Variants in SH3BP4 observed in about 807,000 individuals in gnomAD.
The protein encoded by SH3BP4 is SH3 domain-binding protein 4.
A neutral mutation model predicts 65.5 loss-of-function variants in SH3BP4; 33 were observed. The observed-to-expected ratio is 0.50, with a 90% CI of 0.38 to 0.67. The LOEUF (loss-of-function observed/expected upper bound fraction) is 0.67, where lower values mean the gene tolerates loss of function less well. Among genes scored for constraint, SH3BP4 ranks in the 30% least tolerant of loss-of-function variants. The probability of loss-of-function intolerance (pLI) is 0.00; values close to 1 mark genes in which losing one functional copy is unlikely to be tolerated. For synonymous variants in SH3BP4, 552 were observed against 545.5 expected, an observed-to-expected ratio of 1.01 and a Z score of -0.17; for missense variants, 1,134 against 1,261.4, an observed-to-expected ratio of 0.90 and a Z score of 1.53.
In SH3BP4 at chr2:234,991,064, C is replaced by T. The variant is rs78763252; in HGVS notation, c.-206-4239C>T. Among the ~76,000 whole-genome samples the T allele has an allele frequency of 8.5e-5, 13 of 152,278 alleles. No individual in the cohort carries two copies. In the East Asian group the frequency reaches 2.5e-3, roughly 29 times the overall value. On this transcript the variant is annotated intron_variant, in intron 1 of 5. Coordinates refer to ENST00000392011, the MANE Select transcript of SH3BP4 (RefSeq NM_014521.3). The surrounding 1 kb of genome is among the most constrained non-coding windows in gnomAD (Gnocchi z 4.2). ...GATTGCACCTTGAACACTCTGTCTCCAAATAAGGTCACTTTCTGAGGTACT... is the reference window on the plus strand; with the variant it reads ...GATTGCACCTTGAACACTCTGTCTCTAAATAAGGTCACTTTCTGAGGTACT...
At chr2:234,979,550 G>A (rs756787683) in intron 1 of SH3BP4, 10 of 152,248 alleles carry the variant, frequency 6.6e-5, no homozygotes, top group Non-Finnish European at 1.3e-4. Context: ...TCCCTTTGGC[G>A]TGAGCCGAGC....
chr2:235,048,530 G>A (rs1016279071), intron 4 of SH3BP4, among the ~76,000 whole-genome samples: 3 of 151,104 alleles, frequency 2.0e-5, no homozygotes, highest in African/African-American at 7.3e-5. Flanking sequence ...GTAGAGACAA[G>A]GTTTGATTGT....
intron 2 of SH3BP4, among the ~76,000 whole-genome samples, chr2:235,021,183 A>G (rs1445991516): frequency 1.3e-5 from 2 of 152,204 alleles, no homozygotes; most frequent in Non-Finnish European, 1.5e-5. Flanking sequence ...TGGGGACCCA[A>G]CCACATTTGT....
intron 2 of SH3BP4, among the ~76,000 whole-genome samples, chr2:235,031,178 C>T (rs531465572): frequency 3.9e-5 from 6 of 152,218 alleles, no homozygotes; most frequent in South Asian, 4.2e-4. Flanking sequence ...TGGCTTCTCT[C>T]GGCCTGAAAA....
Position 235,052,457 on chromosome 2 carries a change from T to C in SH3BP4, c.2479-105T>C. The C allele has an allele frequency of 1.2e-6, 1 of 828,746 alleles. No individual in the cohort carries two copies. The highest frequency in any genetic ancestry group is 2.7e-5 in the East Asian group (1 of 36,736). 51.3% of individuals were successfully genotyped at this position (828,746 alleles called of 1,614,324 possible). A position where few individuals can be genotyped will look rare whatever the true frequency, so the allele number is the denominator to read the frequency against. ...GTAGTAGGCCAGGGAACATGGAGAATAGAGAGCCCATGGCCATTCCTGCGC... is the reference window on the plus strand; with the variant it reads ...GTAGTAGGCCAGGGAACATGGAGAACAGAGAGCCCATGGCCATTCCTGCGC... On this transcript the variant is annotated intron_variant, in intron 4 of 5. Coordinates refer to ENST00000392011, the MANE Select transcript of SH3BP4 (RefSeq NM_014521.3). This position sits in a 1 kb window ranked among gnomAD's most constrained non-coding sequence, Gnocchi z 5.0.
Position 235,042,274 on chromosome 2 carries a change from A to C in SH3BP4, c.1505A>C (p.Lys502Thr). The change falls in exon 4 of 6, where the codon AAG (lysine) becomes ACG (threonine). Residue 502 changes from lysine (K) to threonine (T), a missense_variant. Coordinates refer to ENST00000392011, the MANE Select transcript of SH3BP4 (RefSeq NM_014521.3). The surrounding 1 kb of genome is among the most constrained non-coding windows in gnomAD (Gnocchi z 7.3). ...VTIFGHDCAP[K>T]TLLVSEVTRQ... ...ATTTTTGGGCATGACTGTGCCCCAA[A>C]GACGCTCCTGGTCAGCGAGGTCACA... is the stretch of plus-strand genomic sequence containing the variant. The C allele has an allele frequency of 6.2e-7, 1 of 1,614,184 alleles. No individual in the cohort carries two copies. Among genetic ancestry groups the C allele is most frequent in the Non-Finnish European group, 8.5e-7 (1 of 1,180,046 alleles).
chr2:234,979,140 A>G (rs1693270315), intron 1 of SH3BP4, among the ~76,000 whole-genome samples: 1 of 152,224 alleles, frequency 6.6e-6, no homozygotes, highest in Admixed American at 6.5e-5. Flanking sequence ...GAGTAGATAC[A>G]GGTAATATTT....
At chr2:235,013,880 G>A (rs1362133114) in intron 2 of SH3BP4, among the ~76,000 whole-genome samples, 1 of 152,108 alleles carries the variant, frequency 6.6e-6, no homozygotes, top group African/African-American at 2.4e-5. Context: ...TAACCTCTTT[G>A]TGCCTCAGTT....
At chr2:234,989,021 A>C (rs907909380) in intron 1 of SH3BP4, among the ~76,000 whole-genome samples, 3 of 152,088 alleles carry the variant, frequency 2.0e-5, no homozygotes, top group Middle Eastern at 3.2e-3. Context: ...TCAGTGTGTA[A>C]GTTTTAATAG....
At chr2:234,998,318 A>C (rs1693988675) in intron 2 of SH3BP4, among the ~76,000 whole-genome samples, 1 of 152,178 alleles carries the variant, frequency 6.6e-6, no homozygotes, top group Admixed American at 6.5e-5. Flanking sequence ...CAGGAGACGT[A>C]AAAATGAACA....
At position 235,041,080 on chromosome 2, in the gene SH3BP4, T is replaced by A. The variant is rs1695619877; in HGVS notation, c.311T>A (p.Ile104Asn). 2 of 1,613,914 alleles carry A rather than the reference T, an allele frequency of 1.2e-6. No individual in the cohort carries two copies. Among genetic ancestry groups the A allele is most frequent in the African/African-American group, 2.7e-5 (2 of 74,894 alleles). The change falls in exon 4 of 6, where the codon ATC becomes AAC. Residue 104 changes from isoleucine to asparagine, a missense_variant. Transcript: ENST00000392011. This position sits in a 1 kb window ranked among gnomAD's most constrained non-coding sequence, Gnocchi z 6.0. ...CACAACACCACCGAAATGGGCTACA[T>A]CCCCTCCTCCTATGTGCAGCCCTTG... ...YAHNTTEMGY[I>N]PSSYVQPLNY... is the part of the protein sequence containing the mutation.
At chr2:234,984,258 A>T (rs1009891234) in intron 1 of SH3BP4, among the ~76,000 whole-genome samples, 1 of 152,158 alleles carries the variant, frequency 6.6e-6, no homozygotes, top group Non-Finnish European at 1.5e-5. Flanking sequence ...GCTGGAGTGC[A>T]GTGGTGCAAT....
intron 2 of SH3BP4, among the ~76,000 whole-genome samples, chr2:235,007,587 T>C (rs1474381015): frequency 2.6e-5 from 4 of 152,202 alleles, no homozygotes; most frequent in Non-Finnish European, 2.9e-5. Context: ...GAAATGGTTT[T>C]CCAGAGAGTT....
At chr2:235,003,394 T>A (rs952690717) in intron 2 of SH3BP4, among the ~76,000 whole-genome samples, 1 of 152,250 alleles carries the variant, frequency 6.6e-6, no homozygotes, top group Non-Finnish European at 1.5e-5. Context: ...AAAAAGGGGA[T>A]ACTTTGGAGG....
chr2:235,036,799 G>C (rs546059083), intron 3 of SH3BP4, among the ~76,000 whole-genome samples: 1 of 149,184 alleles, frequency 6.7e-6, no homozygotes, highest in Admixed American at 6.6e-5. Context: ...ATCCCTAAAA[G>C]AATCCCTAAT....
Position 235,042,721 on chromosome 2 carries a change from G to A in SH3BP4, c.1952G>A (p.Arg651His), listed in dbSNP as rs758870615. 6.8e-6 allele frequency: 11 copies of A among 1,614,146 alleles called. No homozygotes were observed. Among genetic ancestry groups the A allele is most frequent in the Admixed American group, 5.0e-5 (3 of 60,020 alleles). The change falls in exon 4 of 6, where the codon CGC becomes CAC. Residue 651 changes from arginine (R) to histidine (H), a missense_variant. Transcript: ENST00000392011. The surrounding 1 kb of genome is among the most constrained non-coding windows in gnomAD (Gnocchi z 7.3). Reference sequence around the variant, plus strand: ...ACAAAGTACCCGACTTTCCAGGACCGCCCGGTGTCCAGCCTCAAGTTTGGT... The same window carrying A: ...ACAAAGTACCCGACTTTCCAGGACCACCCGGTGTCCAGCCTCAAGTTTGGT... ...TTTKYPTFQD[R>H]PVSSLKFGKL...
In SH3BP4 at chr2:234,978,472, T is replaced by G. The variant is rs913868592; in HGVS notation, c.-206-16831T>G. 6.6e-6 allele frequency among the ~76,000 whole-genome samples: 1 copy of G among 152,188 alleles called. No individual in the cohort carries two copies. Among genetic ancestry groups the G allele is most frequent in the Non-Finnish European group, 1.5e-5 (1 of 68,030 alleles). On this transcript the variant is annotated intron_variant, in intron 1 of 5. Coordinates refer to ENST00000392011, the MANE Select transcript of SH3BP4 (RefSeq NM_014521.3). This position sits in a 1 kb window ranked among gnomAD's most constrained non-coding sequence, Gnocchi z 4.1. ...CCACACTGCCCCAAGGCCCCACTGG[T>G]CATCCGTCCAGCACTCTGTGCTCGC... is the stretch of plus-strand genomic sequence containing the variant.
At chr2:234,970,135 ACACT>A (rs1692954948) in intron 1 of SH3BP4, among the ~76,000 whole-genome samples, 1 of 151,942 alleles carries the variant, frequency 6.6e-6, no homozygotes, top group African/African-American at 2.4e-5. Context: ...TCTTACACAC[ACACT>A]CTCACACTCA....
At position 234,977,282 on chromosome 2, in the gene SH3BP4, C is replaced by G. The variant is rs1267938153; in HGVS notation, c.-206-18021C>G. Among the ~76,000 whole-genome samples the G allele has an allele frequency of 1.3e-5, 2 of 152,118 alleles. No homozygotes were observed. The highest frequency in any genetic ancestry group is 2.9e-5 in the Non-Finnish European group (2 of 68,026). ...CCCCATTTCCTGGCCGGGAACTTCC[C>G]TTTCCTACAGACCCTCGCTTGGTGC... On this transcript the variant is annotated intron_variant, in intron 1 of 5. Transcript: ENST00000392011. This position sits in a 1 kb window ranked among gnomAD's most constrained non-coding sequence, Gnocchi z 5.1.
Sources: gnomAD v4.1 joint callset for allele counts (sites outside exome capture counted in the v4.1 genomes callset) on GRCh38, gnomAD v4.1.1 for gene constraint, Gnocchi (gnomAD v3.1) non-coding constraint, MANE v1.5 for transcripts, NCBI Gene and HGNC (gene_info 2026-07-23, HGNC 2026-07-21) for gene names.